LPAR4: variants seen among roughly 807,000 people sequenced by gnomAD.
LPAR4 encodes lysophosphatidic acid receptor 4, also known as G-protein coupled receptor 23.
LPAR4 carries 14 observed loss-of-function variants against 9.2 expected under a neutral mutation model. That is an observed-to-expected ratio of 1.51 (90% CI 1.00 to 2.37). LPAR4 has a LOEUF of 2.37. Ranked by LOEUF, LPAR4 falls within the 30% of genes most tolerant of loss-of-function variation. LPAR4 has a pLI of 0.00. For missense variants in LPAR4, 251 were observed against 272.1 expected, an observed-to-expected ratio of 0.92 and a Z score of 0.55; for synonymous variants, 131 against 97.9, an observed-to-expected ratio of 1.34 and a Z score of -1.99.
chrX:78,751,603 TCTAAGTATATCA>T (rs1454504607), intron 4 of LPAR4, among the ~76,000 whole-genome samples: 2 of 111,128 alleles, frequency 1.8e-5, no homozygotes, highest in Admixed American at 9.6e-5. Context: ...AGTTTCAGTG[TCTAAGTATATCA>T]CATGAATTGG....
In LPAR4 at chrX:78,755,581, T is replaced by C; in HGVS notation, c.712T>C (p.Ser238Pro). Residue 238 changes from serine (S) to proline (P), a missense_variant, in exon 5 of 5, where the codon TCT becomes CCT. Ser to Pro is a moderately conservative substitution (Grantham distance 74). Transcript: ENST00000614823. ...AACTCTTCGCAAGCCTGCTACTCTG[T>C]CTCAAATTGGGACCAATAAGAAAAA... Reference protein sequence around the residue: ...LRTLRKPATLSQIGTNKKKVL... With the variant: ...LRTLRKPATLPQIGTNKKKVL... 1 of 1,210,870 alleles carries C rather than the reference T, an allele frequency of 8.3e-7. No individual in the cohort carries two copies. The highest frequency in any genetic ancestry group is 1.1e-6 in the Non-Finnish European group (1 of 894,888).
chrX:78,758,248 T>C lies in LPAR4; in HGVS notation c.*2266T>C, dbSNP rs1925388999. ...TTAAATAAAATTAGGTTAAGATAAGTTCAGTTGTTAGATTATATGGTAAGA... is the reference window on the plus strand; with the variant it reads ...TTAAATAAAATTAGGTTAAGATAAGCTCAGTTGTTAGATTATATGGTAAGA... On this transcript the variant is annotated 3_prime_UTR_variant, in exon 5 of 5. Transcript: ENST00000614823. 8.9e-6 allele frequency among the ~76,000 whole-genome samples: 1 copy of C among 111,751 alleles called. No individual in the cohort carries two copies. The highest frequency in any genetic ancestry group is 1.9e-5 in the Non-Finnish European group (1 of 52,958).
chrX:78,755,831 C>G lies in LPAR4; in HGVS notation c.962C>G (p.Ser321Cys). Residue 321 changes from serine (S) to cysteine (C), a missense_variant, in exon 5 of 5, where the codon TCC becomes TGC. Physicochemically the swap from Ser to Cys is moderately radical, Grantham distance 112. Coordinates refer to ENST00000614823, the MANE Select transcript of LPAR4 (RefSeq NM_001278000.3). Reference sequence around the variant, plus strand: ...TTCACCCTTGAATCCTTTCAGAAGTCCTTCTACATCAATGCCCACATCAGA... The same window carrying G: ...TTCACCCTTGAATCCTTTCAGAAGTGCTTCTACATCAATGCCCACATCAGA... ...YYFTLESFQK[S>C]FYINAHIRME... The G allele has an allele frequency of 8.3e-7, 1 of 1,210,547 alleles. No homozygotes were observed. The highest frequency in any genetic ancestry group is 1.1e-6 in the Non-Finnish European group (1 of 894,526).
chrX:78,748,093 C>A (rs1037980591), intron 1 of LPAR4, 59 bp downstream of exon 1: 1 of 110,312 alleles, frequency 9.1e-6, no homozygotes, highest in African/African-American at 3.3e-5. Flanking sequence ...GATAGCATAA[C>A]AAACTACAGT....
intron 4 of LPAR4, among the ~76,000 whole-genome samples, chrX:78,753,417 G>A (rs1398501125): frequency 4.5e-5 from 5 of 111,464 alleles, no homozygotes; most frequent in Non-Finnish European, 9.4e-5. Context: ...ATACCTGTAT[G>A]GGAAATATTA....
intron 2 of LPAR4, among the ~76,000 whole-genome samples, 158 bp downstream of exon 2, chrX:78,750,381 C>A (rs1330535302): frequency 9.0e-6 from 1 of 111,460 alleles, no homozygotes; most frequent in South Asian, 3.7e-4. Flanking sequence ...CAATAGTGTA[C>A]GTTTGGAGCT....
rs1471051674 is a variant in LPAR4, at chrX:78,755,089, A to T, written c.220A>T (p.Thr74Ser). 8.3e-7 allele frequency: 1 copy of T among 1,207,877 alleles called. No homozygotes were observed. The highest frequency in any genetic ancestry group is 1.8e-5 in the African/African-American group (1 of 57,104). ...TTTCCGCATGAAAATGAGAAGTGAGACTGCTATTTTTATCACCAATCTAGC... is the reference window on the plus strand; with the variant it reads ...TTTCCGCATGAAAATGAGAAGTGAGTCTGCTATTTTTATCACCAATCTAGC... The part of the protein sequence containing the change: ...FCFRMKMRSE[T>S]AIFITNLAVS... Residue 74 changes from threonine to serine, a missense_variant, in exon 5 of 5, where the codon ACT becomes TCT. Coordinates refer to ENST00000614823, the MANE Select transcript of LPAR4 (RefSeq NM_001278000.3).
Position 78,756,773 on chromosome X carries a change from C to T in LPAR4, c.*791C>T, listed in dbSNP as rs1355552563. 1 of 121,660 alleles carries T rather than the reference C, an allele frequency of 8.2e-6. No homozygotes were observed. The highest frequency in any genetic ancestry group is 1.9e-5 in the Non-Finnish European group (1 of 52,760). The allele number at this position is 121,660 out of a possible 1,213,427, so 10.0% of individuals were successfully genotyped here. On this transcript the variant is annotated 3_prime_UTR_variant, in exon 5 of 5. Transcript: ENST00000614823. ...ACCAACATATTTTTTCTTAAAATGT[C>T]ACGTTATCTTCATTTTGGGAAACTA...
intron 4 of LPAR4, 40 bp downstream of exon 4, chrX:78,751,351 A>G (rs1925054777): frequency 1.8e-5 from 2 of 111,455 alleles, no homozygotes; most frequent in African/African-American, 6.5e-5. Context: ...AATAATAATA[A>G]TAACCTGAAA....
intron 4 of LPAR4, among the ~76,000 whole-genome samples, chrX:78,752,312 C>A (rs1925098121): frequency 8.9e-6 from 1 of 111,861 alleles, no homozygotes; most frequent in African/African-American, 3.2e-5. Flanking sequence ...AAGCATCAAC[C>A]AATGTATAGG....
rs772302006 is a variant in LPAR4 at position 78,755,535 on chromosome X, T to C, written c.666T>C (p.Ser222=). Residue 222 remains serine, a synonymous_variant, in exon 5 of 5, where the codon TCT becomes TCC. Transcript: ENST00000614823. ...TCATTCCTCTAATATTGAATGTCTC[T>C]TGCTCTTCTGTGGTGCTGAGAACTC... ...GFIIPLILNV[S]CSSVVLRTLR... is the part of the protein sequence containing the mutation. The C allele has an allele frequency of 4.1e-6, 5 of 1,207,538 alleles. No individual in the cohort carries two copies. The highest frequency in any genetic ancestry group is 1.8e-5 in the South Asian group (1 of 56,877).
Position 78,758,272 on chromosome X carries a change from GATCAA to G in LPAR4, c.*2295_*2299del, listed in dbSNP as rs1925389899. ...GTTCAGTTGTTAGATTATATGGTAAGATCAAATCAGTAATAAAAGCGTGAATAATC... is the reference window on the plus strand; with the variant it reads ...GTTCAGTTGTTAGATTATATGGTAAGATCAGTAATAAAAGCGTGAATAATC... On this transcript the variant is annotated 3_prime_UTR_variant, in exon 5 of 5. Transcript: ENST00000614823. 9.0e-6 allele frequency among the ~76,000 whole-genome samples: 1 copy of G among 111,597 alleles called. No homozygotes were observed. Among genetic ancestry groups the G allele is most frequent in the South Asian group, 3.7e-4 (1 of 2,733 alleles).
At chrX:78,749,885 C>T (rs1924982099) in intron 1 of LPAR4, among the ~76,000 whole-genome samples, 2 of 111,214 alleles carry the variant, frequency 1.8e-5, no homozygotes, top group African/African-American at 6.5e-5. Flanking sequence ...TTGAAGGTTG[C>T]TTTTCTGTCA....
rs764293255 is a variant in LPAR4, at chrX:78,757,408, A to G, written c.*1426A>G. On this transcript the variant is annotated 3_prime_UTR_variant, in exon 5 of 5. Coordinates refer to ENST00000614823, the MANE Select transcript of LPAR4 (RefSeq NM_001278000.3). ...GCATCTGCGAAACTTACAAAACACT[A>G]TAACATTCATATAATGCTTTGGATC... is the stretch of plus-strand genomic sequence containing the variant. Among the ~76,000 whole-genome samples the G allele has an allele frequency of 1.8e-5, 2 of 111,936 alleles. No individual in the cohort carries two copies. Among genetic ancestry groups the G allele is most frequent in the African/African-American group, 6.5e-5 (2 of 30,958 alleles).
At position 78,756,746 on chromosome X, in the gene LPAR4, A is replaced by T. The variant is rs939975613; in HGVS notation, c.*764A>T. The stretch of plus-strand genomic sequence containing the variant: ...AAGTGTCAATAAAAAAACTTGAGCA[A>T]CACCAACATATTTTTTCTTAAAATG... On this transcript the variant is annotated 3_prime_UTR_variant, in exon 5 of 5. Coordinates refer to ENST00000614823, the MANE Select transcript of LPAR4 (RefSeq NM_001278000.3). 14 of 122,442 alleles carry T rather than the reference A, an allele frequency of 1.1e-4. No homozygotes were observed. Among genetic ancestry groups the T allele is most frequent in the Non-Finnish European group, 2.6e-4 (14 of 52,964 alleles). 10.1% of individuals were successfully genotyped at this position (122,442 alleles called of 1,213,427 possible). A position where few individuals can be genotyped will look rare whatever the true frequency, so the allele number is the denominator to read the frequency against.
Position 78,754,924 on chromosome X carries a change from A to C in LPAR4, c.55A>C (p.Arg19=), listed in dbSNP as rs1925217801. The C allele has an allele frequency of 8.3e-7, 1 of 1,205,659 alleles. No homozygotes were observed. The change falls in exon 5 of 5, where the codon AGA becomes CGA. Residue 19 remains arginine (R), a synonymous_variant. Coordinates refer to ENST00000614823, the MANE Select transcript of LPAR4 (RefSeq NM_001278000.3). The part of the protein sequence containing the change: ...FQFQDSNSSL[R]PRLGNATANN... ...ATTCCAAGATTCAAATTCAAGCCTC[A>C]GACCCAGGTTGGGCAATGCTACTGC... is the stretch of plus-strand genomic sequence containing the variant.
intron 4 of LPAR4, among the ~76,000 whole-genome samples, chrX:78,753,036 C>T (rs1925137842): frequency 9.0e-6 from 1 of 111,348 alleles, no homozygotes; most frequent in Admixed American, 9.5e-5. Flanking sequence ...GGTCAACCTC[C>T]ACGGGACCTG....
Position 78,756,058 on chromosome X carries a change from C to A in LPAR4, c.*76C>A. ...TATGCTATAAACTAAAGATTTGAAG[C>A]TAATGATACTGAGAATAATGCACCA... On this transcript the variant is annotated 3_prime_UTR_variant, in exon 5 of 5. Transcript: ENST00000614823. 1.3e-6 allele frequency: 1 copy of A among 793,787 alleles called. No homozygotes were observed. The allele number at this position is 793,787 out of a possible 1,213,427, so 65.4% of individuals were successfully genotyped here. A position where few individuals can be genotyped will look rare whatever the true frequency, so the allele number is the denominator to read the frequency against.
chrX:78,752,888 C>A (rs902711351), intron 4 of LPAR4, among the ~76,000 whole-genome samples: 2 of 111,342 alleles, frequency 1.8e-5, no homozygotes, highest in Non-Finnish European at 3.8e-5. Flanking sequence ...CTTCCAGGAG[C>A]CTTAAGGACC....
Sources: gnomAD v4.1 joint callset for allele counts (sites outside exome capture counted in the v4.1 genomes callset) on GRCh38, gnomAD v4.1.1 for gene constraint, MANE v1.5 for transcripts, NCBI Gene and HGNC (gene_info 2026-07-23, HGNC 2026-07-21) for gene names.